Variants in NXPE2 observed in about 807,000 individuals in gnomAD.
NXPE2 encodes the protein NXPE family member 2.
In NXPE2, 34 loss-of-function variants were observed where a neutral mutation model predicts 34.4. The observed-to-expected ratio is 0.99, with a 90% CI of 0.75 to 1.31. The LOEUF (loss-of-function observed/expected upper bound fraction) is 1.31. Ranked by LOEUF, NXPE2 falls within the 40% of genes most tolerant of loss-of-function variation. The probability of loss-of-function intolerance (pLI) is 0.00; values close to 1 mark genes in which losing one functional copy is unlikely to be tolerated. For synonymous variants in NXPE2, 235 were observed against 231.3 expected, an observed-to-expected ratio of 1.02 and a Z score of -0.15; for missense variants, 649 against 672.5, an observed-to-expected ratio of 0.97 and a Z score of 0.39.
the NXPE2 span, among the ~76,000 whole-genome samples, chr11:114,649,647 T>C: frequency 6.6e-6 from 1 of 152,136 alleles, no homozygotes; most frequent in African/African-American, 2.4e-5. Context: ...CTATGAAATA[T>C]AAAGTAGGTT....
chr11:114,619,150 G>GA, the NXPE2 span, among the ~76,000 whole-genome samples: 1 of 151,968 alleles, frequency 6.6e-6, no homozygotes, highest in Non-Finnish European at 1.5e-5. Flanking sequence ...TTACCCAGTG[G>GA]GTAATAAGTA....
At chr11:114,731,421 A>G in the NXPE2 span, among the ~76,000 whole-genome samples, 2 of 152,336 alleles carry the variant, frequency 1.3e-5, no homozygotes, top group South Asian at 2.1e-4. Flanking sequence ...ACACCTGTAC[A>G]TGAAAGTTTT....
At chr11:114,715,277 A>G in the NXPE2 span, among the ~76,000 whole-genome samples, 1 of 152,236 alleles carries the variant, frequency 6.6e-6, no homozygotes, top group African/African-American at 2.4e-5. Context: ...TAATGATCCA[A>G]TAAAATTCAG....
the NXPE2 span, among the ~76,000 whole-genome samples, chr11:114,713,559 A>G: frequency 6.6e-6 from 1 of 152,084 alleles, no homozygotes; most frequent in African/African-American, 2.4e-5. Context: ...CATCCTGCAA[A>G]TATTTATTTC....
chr11:114,611,233 C>T, the NXPE2 span, among the ~76,000 whole-genome samples: 1 of 151,764 alleles, frequency 6.6e-6, no homozygotes, highest in Non-Finnish European at 1.5e-5. Flanking sequence ...CCACTGTTAT[C>T]CAGTCAATAA....
chr11:114,662,945 C>G, the NXPE2 span, among the ~76,000 whole-genome samples: 1 of 152,282 alleles, frequency 6.6e-6, no homozygotes, highest in South Asian at 2.1e-4. Context: ...GAGGCTTGCT[C>G]TCTATAAGTA....
the NXPE2 span, among the ~76,000 whole-genome samples, chr11:114,764,178 A>G: frequency 1.3e-5 from 2 of 152,196 alleles, no homozygotes; most frequent in African/African-American, 2.4e-5. Flanking sequence ...TATCAAATGC[A>G]TCATGTGATC....
At chr11:114,665,726 A>G in the NXPE2 span, among the ~76,000 whole-genome samples, 1 of 152,162 alleles carries the variant, frequency 6.6e-6, no homozygotes, top group African/African-American at 2.4e-5. Flanking sequence ...ACATCCACAG[A>G]TGAAGTCAAG....
chr11:114,777,948 G>A, the NXPE2 span, among the ~76,000 whole-genome samples: 1 of 152,200 alleles, frequency 6.6e-6, no homozygotes, highest in African/African-American at 2.4e-5. Flanking sequence ...AAACAGACAT[G>A]GTCTCTGCTT....
At chr11:114,583,120 T>C in the NXPE2 span, 19 of 1,268,464 alleles carry the variant, frequency 1.5e-5, no homozygotes, top group Non-Finnish European at 2.1e-5. Flanking sequence ...AACATGTTCC[T>C]AGTCATTTTT....
the NXPE2 span, among the ~76,000 whole-genome samples, chr11:114,557,733 G>A: frequency 1.7e-3 from 243 of 144,048 alleles, 1 homozygote; most frequent in Non-Finnish European, 2.9e-3. Context: ...CTTCTTTGCC[G>A]TTCTCTACTG....
At chr11:114,771,532 T>G in the NXPE2 span, among the ~76,000 whole-genome samples, 1 of 151,952 alleles carries the variant, frequency 6.6e-6, no homozygotes, top group African/African-American at 2.4e-5. Context: ...ACAGAATGGT[T>G]TGGACACAGG....
chr11:114,623,996 G>A, the NXPE2 span, among the ~76,000 whole-genome samples: 2 of 152,108 alleles, frequency 1.3e-5, no homozygotes, highest in Non-Finnish European at 2.9e-5. Flanking sequence ...GGTAACCACT[G>A]TTACCCGGTG....
rs550803492 is a variant in NXPE2, at chr11:114,696,550, C to G, written c.133-1495C>G. On this transcript the variant is annotated intron_variant, in intron 2 of 5. Transcript: ENST00000389586. ...GAAAATTACCAAGAATAAATAAGAT[C>G]ATTATGTAATGGTAAAAGTGACAGT... Among the ~76,000 whole-genome samples, 9 of 152,098 alleles carry G rather than the reference C, an allele frequency of 5.9e-5. No homozygotes were observed. In the South Asian group the frequency reaches 1.9e-3, roughly 32 times the overall value.
At chr11:114,805,285 G>T in the NXPE2 span, among the ~76,000 whole-genome samples, 7 of 151,904 alleles carry the variant, frequency 4.6e-5, no homozygotes, top group East Asian at 1.4e-3. Context: ...GGTGATTTCT[G>T]CATTTCCAAC....
chr11:114,564,209 A>G, the NXPE2 span, among the ~76,000 whole-genome samples: 1 of 152,188 alleles, frequency 6.6e-6, no homozygotes, highest in Admixed American at 6.6e-5. Context: ...AGGAATGGAA[A>G]ACCAAACATC....
At chr11:114,640,520 G>A in the NXPE2 span, among the ~76,000 whole-genome samples, 1 of 151,590 alleles carries the variant, frequency 6.6e-6, no homozygotes, top group Non-Finnish European at 1.5e-5. Flanking sequence ...ATAGTTCTTT[G>A]AGAAACCTCC....
the NXPE2 span, among the ~76,000 whole-genome samples, chr11:114,542,073 G>C: frequency 6.6e-6 from 1 of 152,074 alleles, no homozygotes; most frequent in African/African-American, 2.4e-5. Flanking sequence ...TTTGTATGTT[G>C]AGATTTTTTG....
the NXPE2 span, among the ~76,000 whole-genome samples, chr11:114,615,017 C>T: frequency 2.6e-5 from 4 of 151,206 alleles, no homozygotes; most frequent in South Asian, 4.2e-4. Context: ...AGTGTTTCCT[C>T]GTGGGTAACC....
Sources: gnomAD v4.1 joint callset for allele counts (sites outside exome capture counted in the v4.1 genomes callset) on GRCh38, gnomAD v4.1.1 for gene constraint, MANE v1.5 for transcripts, NCBI Gene and HGNC (gene_info 2026-07-23, HGNC 2026-07-21) for gene names.